Variants in TAAR6 observed in about 807,000 individuals in gnomAD.
The protein encoded by TAAR6 is trace amine associated receptor 6.
Under a neutral mutation model 18.4 loss-of-function variants are expected in TAAR6, and 15 were observed. The observed-to-expected ratio is 0.82, with a 90% confidence interval of 0.55 to 1.26. The LOEUF (loss-of-function observed/expected upper bound fraction) is 1.26, where lower values mean the gene tolerates loss of function less well. Ranked by LOEUF, TAAR6 falls within the 50% of genes most tolerant of loss-of-function variation. TAAR6 has a pLI of 0.00. For synonymous variants in TAAR6, 192 were observed against 162.4 expected, an observed-to-expected ratio of 1.18 and a Z score of -1.39; for missense variants, 501 against 415.9, an observed-to-expected ratio of 1.20 and a Z score of -1.78.
Position 132,570,756 on chromosome 6 carries a change from C to T in TAAR6, c.435C>T (p.Thr145=), listed in dbSNP as rs530149491. The change falls in exon 1 of 1, where the codon ACC becomes ACT. Residue 145 remains threonine, a synonymous_variant. Transcript: ENST00000275198. ...CCCTGGTCTATCCTACCAAGTTCAC[C>T]GTATCTGTGTCAGGAATTTGCATCA... ...TDPLVYPTKF[T]VSVSGICISV... The T allele has an allele frequency of 6.8e-6, 11 of 1,614,100 alleles. No homozygotes were observed. Among genetic ancestry groups the T allele is most frequent in the East Asian group, 4.5e-5 (2 of 44,882 alleles).
Position 132,571,321 on chromosome 6 carries a change from A to T in TAAR6, c.1000A>T (p.Ser334Cys), listed in dbSNP as rs1410746071. 1.9e-6 allele frequency: 3 copies of T among 1,613,276 alleles called. No homozygotes were observed. Among genetic ancestry groups the T allele is most frequent in the Non-Finnish European group, 2.5e-6 (3 of 1,179,678 alleles). Residue 334 changes from serine to cysteine, a missense_variant, in exon 1 of 1, where the codon AGT (serine) becomes TGT (cysteine). Ser to Cys is a moderately radical substitution (Grantham distance 112). Transcript: ENST00000275198. The stretch of plus-strand genomic sequence containing the variant: ...TGTAACTGGTCAGGTTTTAAAGAAC[A>T]GTTCAGCAACCATGAATTTGTTTTC... ...VIVTGQVLKN[S>C]SATMNLFSEH...
In TAAR6 at chr6:132,571,005, GA is replaced by G; in HGVS notation, c.689del (p.Lys230ArgfsTer2). 4.3e-6 allele frequency: 7 copies of G among 1,613,940 alleles called. No individual in the cohort carries two copies. Among genetic ancestry groups the G allele is most frequent in the Non-Finnish European group, 5.9e-6 (7 of 1,179,976 alleles). ...NIFLVARRQA[K>X]KIENTGSKTE... ...TATTTCTTGTGGCTAGACGACAGGCGAAAAAGATAGAAAATACTGGTAGCAA... is the reference window on the plus strand; with the variant it reads ...TATTTCTTGTGGCTAGACGACAGGCGAAAAGATAGAAAATACTGGTAGCAA... On this transcript the variant is annotated frameshift_variant, in exon 1 of 1. Transcript: ENST00000275198. LOFTEE classifies it high-confidence loss of function.
In TAAR6 at chr6:132,570,819, TGTGTTCTACACA is replaced by T; in HGVS notation, c.500_511del (p.Val167_Thr170del). ...TCCTGCCCCTCATGTACAGCGGTGC[TGTGTTCTACACA>T]GGTGTCTATGACGATGGGCTGGAGG... is the stretch of plus-strand genomic sequence containing the variant. On this transcript the variant is annotated inframe_deletion, in exon 1 of 1. Coordinates refer to ENST00000275198, the MANE Select transcript of TAAR6 (RefSeq NM_175067.1). The T allele has an allele frequency of 6.2e-7, 1 of 1,614,094 alleles. No individual in the cohort carries two copies. The highest frequency in any genetic ancestry group is 8.5e-7 in the Non-Finnish European group (1 of 1,179,968).
At position 132,570,622 on chromosome 6, in the gene TAAR6, GGGA is replaced by G. The variant is rs756259552; in HGVS notation, c.306_308del (p.Arg102del). On this transcript the variant is annotated inframe_deletion, in exon 1 of 1. Coordinates refer to ENST00000275198, the MANE Select transcript of TAAR6 (RefSeq NM_175067.1). ...GACGGTGGAGAGCTGCTGGTATTTT[GGGA>G]GGAGTTTTTGTACTTTCCACACCTG... is the stretch of plus-strand genomic sequence containing the variant. 1.2e-6 allele frequency: 2 copies of G among 1,614,042 alleles called. No individual in the cohort carries two copies. The highest frequency in any genetic ancestry group is 1.1e-5 in the South Asian group (1 of 91,060).
rs760396812 is a variant in TAAR6 at position 132,571,144 on chromosome 6, A to T, written c.823A>T (p.Ser275Cys). ...VAFMISWLPY[S>C]IDSLIDAFMG... The stretch of plus-strand genomic sequence containing the variant: ...ATTTATGATTTCATGGTTACCATAT[A>T]GCATTGATTCATTAATTGATGCCTT... The change falls in exon 1 of 1, where the codon AGC becomes TGC. Residue 275 changes from serine to cysteine, a missense_variant. By Grantham distance (112) the Ser-to-Cys change is moderately radical. Transcript: ENST00000275198. 2 of 1,613,990 alleles carry T rather than the reference A, an allele frequency of 1.2e-6. No homozygotes were observed. The highest frequency in any genetic ancestry group is 2.7e-5 in the African/African-American group (2 of 74,934).
rs1776632411 is a variant in TAAR6, at chr6:132,570,739, T to C, written c.418T>C (p.Tyr140His). 1.2e-6 allele frequency: 2 copies of C among 1,614,052 alleles called. No individual in the cohort carries two copies. The highest frequency in any genetic ancestry group is 1.7e-6 in the Non-Finnish European group (2 of 1,180,002). ...CATTGCGGTTACTGACCCCCTGGTC[T>C]ATCCTACCAAGTTCACCGTATCTGT... Reference protein sequence around the residue: ...RYIAVTDPLVYPTKFTVSVSG... With the variant: ...RYIAVTDPLVHPTKFTVSVSG... Residue 140 changes from tyrosine to histidine, a missense_variant, in exon 1 of 1, where the codon TAT (tyrosine) becomes CAT (histidine). By Grantham distance (83) the Tyr-to-His change is moderately conservative (BLOSUM62 2). Transcript: ENST00000275198.
Position 132,570,708 on chromosome 6 carries a change from C to A in TAAR6, c.387C>A (p.Asp129Glu), listed in dbSNP as rs1481371887. 6.2e-7 allele frequency: 1 copy of A among 1,614,118 alleles called. No individual in the cohort carries two copies. The highest frequency in any genetic ancestry group is 1.1e-5 in the South Asian group (1 of 91,082). ...TTCACTTGTGCTTCATCTCCATCGA[C>A]AGGTACATTGCGGTTACTGACCCCC... ...SLFHLCFISI[D>E]RYIAVTDPLV... The change falls in exon 1 of 1, where the codon GAC becomes GAA. Residue 129 changes from aspartate (D) to glutamate (E), a missense_variant. Physicochemically the swap from Asp to Glu is conservative, Grantham distance 45. Coordinates refer to ENST00000275198, the MANE Select transcript of TAAR6 (RefSeq NM_175067.1).
In TAAR6 at chr6:132,571,298, T is replaced by C; in HGVS notation, c.977T>C (p.Val326Ala). Residue 326 changes from valine (V) to alanine (A), a missense_variant, in exon 1 of 1, where the codon GTA (valine) becomes GCA (alanine). Transcript: ENST00000275198. ...PWFRKAIKVI[V>A]TGQVLKNSSA... Reference sequence around the variant, plus strand: ...TTTAGGAAAGCAATAAAAGTTATTGTAACTGGTCAGGTTTTAAAGAACAGT... The same window carrying C: ...TTTAGGAAAGCAATAAAAGTTATTGCAACTGGTCAGGTTTTAAAGAACAGT... 2 of 1,614,050 alleles carry C rather than the reference T, an allele frequency of 1.2e-6. No homozygotes were observed. Among genetic ancestry groups the C allele is most frequent in the South Asian group, 1.1e-5 (1 of 91,072 alleles).
rs1776623669 is a variant in TAAR6, at chr6:132,570,332, A to G, written c.11A>G (p.Asn4Ser). 1.2e-6 allele frequency: 2 copies of G among 1,608,142 alleles called. No homozygotes were observed. Among genetic ancestry groups the G allele is most frequent in the African/African-American group, 1.3e-5 (1 of 74,894 alleles). MSS[N>S]SSLLVAVQLC... The stretch of plus-strand genomic sequence containing the variant: ...GTAAATAACAGCGTTATGAGCAGCA[A>G]TTCATCCCTGCTGGTGGCTGTGCAG... The change falls in exon 1 of 1, where the codon AAT (asparagine) becomes AGT (serine). Residue 4 changes from asparagine (N) to serine (S), a missense_variant. By Grantham distance (46) the Asn-to-Ser change is conservative. Coordinates refer to ENST00000275198, the MANE Select transcript of TAAR6 (RefSeq NM_175067.1).
chr6:132,570,563 T>A lies in TAAR6; in HGVS notation c.242T>A (p.Val81Glu), dbSNP rs761282959. The A allele has an allele frequency of 6.2e-7, 1 of 1,614,142 alleles. No individual in the cohort carries two copies. The highest frequency in any genetic ancestry group is 1.1e-5 in the South Asian group (1 of 91,066). The change falls in exon 1 of 1, where the codon GTG (valine) becomes GAG (glutamate). Residue 81 changes from valine to glutamate, a missense_variant. Transcript: ENST00000275198. Reference protein sequence around the residue: ...VASLACADFLVGVTVMPFSMV... With the variant: ...VASLACADFLEGVTVMPFSMV... The stretch of plus-strand genomic sequence containing the variant: ...TCTCTGGCCTGCGCTGATTTCTTGG[T>A]GGGTGTGACTGTGATGCCCTTCAGC...
rs1776633020 is a variant in TAAR6, at chr6:132,570,777, C to T, written c.456C>T (p.Cys152=). The T allele has an allele frequency of 6.2e-7, 1 of 1,614,142 alleles. No individual in the cohort carries two copies. Among genetic ancestry groups the T allele is most frequent in the East Asian group, 2.2e-5 (1 of 44,886 alleles). The change falls in exon 1 of 1, where the codon TGC becomes TGT. Residue 152 remains cysteine (C), a synonymous_variant. Coordinates refer to ENST00000275198, the MANE Select transcript of TAAR6 (RefSeq NM_175067.1). ...TCACCGTATCTGTGTCAGGAATTTG[C>T]ATCAGCGTGTCCTGGATCCTGCCCC... ...TKFTVSVSGI[C]ISVSWILPLM...
Position 132,570,586 on chromosome 6 carries a change from A to G in TAAR6, c.265A>G (p.Ser89Gly), listed in dbSNP as rs146517500. 5 of 1,614,004 alleles carry G rather than the reference A, an allele frequency of 3.1e-6. No individual in the cohort carries two copies. The African/African-American group carries it at 5.3e-5, about 17-fold the overall frequency. Reference protein sequence around the residue: ...FLVGVTVMPFSMVRTVESCWY... With the variant: ...FLVGVTVMPFGMVRTVESCWY... ...GGTGGGTGTGACTGTGATGCCCTTC[A>G]GCATGGTCAGGACGGTGGAGAGCTG... is the stretch of plus-strand genomic sequence containing the variant. The change falls in exon 1 of 1, where the codon AGC (serine) becomes GGC (glycine). Residue 89 changes from serine to glycine, a missense_variant. By Grantham distance (56) the Ser-to-Gly change is moderately conservative (BLOSUM62 0). Transcript: ENST00000275198.
Position 132,570,497 on chromosome 6 carries a change from A to G in TAAR6, c.176A>G (p.His59Arg), listed in dbSNP as rs200229210. The part of the protein sequence containing the change: ...GNLLVMISIL[H>R]FKQLHSPTNF... ...CTCCTGGTGATGATTTCAATCCTCCATTTCAAGCAGCTGCACTCTCCGACC... is the reference window on the plus strand; with the variant it reads ...CTCCTGGTGATGATTTCAATCCTCCGTTTCAAGCAGCTGCACTCTCCGACC... The change falls in exon 1 of 1, where the codon CAT becomes CGT. Residue 59 changes from histidine to arginine, a missense_variant. His to Arg is a conservative substitution (Grantham distance 29). Transcript: ENST00000275198. 1.1e-5 allele frequency: 17 copies of G among 1,613,076 alleles called. No individual in the cohort carries two copies. The highest frequency in any genetic ancestry group is 1.4e-5 in the Non-Finnish European group (17 of 1,179,930).
rs111876712 is a variant in TAAR6, at chr6:132,571,356, A to G, written c.1035A>G (p.Ile345Met). Residue 345 changes from isoleucine to methionine, a missense_variant, in exon 1 of 1, where the codon ATA (isoleucine) becomes ATG (methionine). Physicochemically the swap from Ile to Met is conservative, Grantham distance 10 (BLOSUM62 1). Coordinates refer to ENST00000275198, the MANE Select transcript of TAAR6 (RefSeq NM_175067.1). ...CCATGAATTTGTTTTCTGAACATAT[A>G]TAAGCAGTTGTATAGACGAAGTTCA... ...SATMNLFSEH[I>M] 1.1e-5 allele frequency: 17 copies of G among 1,603,058 alleles called. No individual in the cohort carries two copies. In the African/African-American group the frequency reaches 1.1e-4, roughly 10 times the overall value.
In TAAR6 at chr6:132,571,174, G is replaced by T. The variant is rs544306549; in HGVS notation, c.853G>T (p.Gly285Cys). ...TGATTCATTAATTGATGCCTTTATG[G>T]GCTTTATAACCCCTGCCTGTATTTA... ...SIDSLIDAFM[G>C]FITPACIYEI... Residue 285 changes from glycine to cysteine, a missense_variant, in exon 1 of 1, where the codon GGC becomes TGC. Gly to Cys is a radical substitution (Grantham distance 159). Coordinates refer to ENST00000275198, the MANE Select transcript of TAAR6 (RefSeq NM_175067.1). 83 of 1,613,790 alleles carry T rather than the reference G, an allele frequency of 5.1e-5. No individual in the cohort carries two copies. Among genetic ancestry groups the T allele is most frequent in the Non-Finnish European group, 6.8e-5 (80 of 1,179,950 alleles).
Position 132,570,719 on chromosome 6 carries a change from C to T in TAAR6, c.398C>T (p.Ala133Val), listed in dbSNP as rs770532856. ...LCFISIDRYI[A>V]VTDPLVYPTK... is the part of the protein sequence containing the mutation. Reference sequence around the variant, plus strand: ...TTCATCTCCATCGACAGGTACATTGCGGTTACTGACCCCCTGGTCTATCCT... The same window carrying T: ...TTCATCTCCATCGACAGGTACATTGTGGTTACTGACCCCCTGGTCTATCCT... The change falls in exon 1 of 1, where the codon GCG (alanine) becomes GTG (valine). Residue 133 changes from alanine (A) to valine (V), a missense_variant. Ala to Val is a moderately conservative substitution (Grantham distance 64, BLOSUM62 0). Transcript: ENST00000275198. 15 of 1,614,112 alleles carry T rather than the reference C, an allele frequency of 9.3e-6. No homozygotes were observed. The highest frequency in any genetic ancestry group is 6.6e-5 in the South Asian group (6 of 91,082).
Position 132,570,839 on chromosome 6 carries a change from A to G in TAAR6, c.518A>G (p.Tyr173Cys), listed in dbSNP as rs17061404. Residue 173 changes from tyrosine to cysteine, a missense_variant, in exon 1 of 1, where the codon TAT becomes TGT. Tyr to Cys is a radical substitution (Grantham distance 194). Transcript: ENST00000275198. ...GGTGCTGTGTTCTACACAGGTGTCT[A>G]TGACGATGGGCTGGAGGAATTATCT... ...YSGAVFYTGV[Y>C]DDGLEELSDA... is the part of the protein sequence containing the mutation. 2,039 of 1,614,134 alleles carry G rather than the reference A, an allele frequency of 1.3e-3. 20 individuals carry two copies. The African/African-American group carries it at 0.022, about 18-fold the overall frequency.
Position 132,570,565 on chromosome 6 carries a change from G to A in TAAR6, c.244G>A (p.Gly82Ser). The change falls in exon 1 of 1, where the codon GGT becomes AGT. Residue 82 changes from glycine to serine, a missense_variant. Transcript: ENST00000275198. ...ASLACADFLV[G>S]VTVMPFSMVR... ...TCTGGCCTGCGCTGATTTCTTGGTG[G>A]GTGTGACTGTGATGCCCTTCAGCAT... 4.3e-6 allele frequency: 7 copies of A among 1,614,070 alleles called. No individual in the cohort carries two copies. The highest frequency in any genetic ancestry group is 5.9e-6 in the Non-Finnish European group (7 of 1,180,000).
chr6:132,571,309 G>T lies in TAAR6; in HGVS notation c.988G>T (p.Val330Phe), dbSNP rs371167388. The T allele has an allele frequency of 1.2e-6, 2 of 1,613,836 alleles. No homozygotes were observed. Among genetic ancestry groups the T allele is most frequent in the Non-Finnish European group, 1.7e-6 (2 of 1,179,894 alleles). ...KAIKVIVTGQ[V>F]LKNSSATMNL... is the part of the protein sequence containing the mutation. ...AATAAAAGTTATTGTAACTGGTCAGGTTTTAAAGAACAGTTCAGCAACCAT... is the reference window on the plus strand; with the variant it reads ...AATAAAAGTTATTGTAACTGGTCAGTTTTTAAAGAACAGTTCAGCAACCAT... The change falls in exon 1 of 1, where the codon GTT (valine) becomes TTT (phenylalanine). Residue 330 changes from valine (V) to phenylalanine (F), a missense_variant. Coordinates refer to ENST00000275198, the MANE Select transcript of TAAR6 (RefSeq NM_175067.1).
Sources: allele counts gnomAD v4.1 joint callset, GRCh38; gene constraint gnomAD v4.1.1; transcripts MANE v1.5; gene names NCBI Gene and HGNC (gene_info 2026-07-23, HGNC 2026-07-21).